The following TNR variants were observed in gnomAD, a reference collection of about 807,000 sequenced individuals.
TNR encodes the protein tenascin R.
In TNR, 45 loss-of-function variants were observed where a neutral mutation model predicts 150.4. That is an observed-to-expected ratio of 0.30 (90% CI 0.24 to 0.38). The LOEUF (loss-of-function observed/expected upper bound fraction) is 0.38, where lower values mean the gene tolerates loss of function less well. TNR is among the 10% of genes least tolerant of loss of function. The pLI is 1.00. For missense variants in TNR, 1,544 were observed against 1,759.1 expected (o/e 0.88, Z 2.19); for synonymous variants, 687 against 678.4 (o/e 1.01, Z -0.20).
chr1:175,409,053 C>T (rs936138943), intron 2 of TNR, among the ~76,000 whole-genome samples: 11 of 152,254 alleles, frequency 7.2e-5, no homozygotes, highest in Non-Finnish European at 1.2e-4. Context: ...CTCCTAAAGC[C>T]GCCTCTCATC....
intron 2 of TNR, among the ~76,000 whole-genome samples, chr1:175,469,254 T>C (rs1316694908): frequency 1.3e-5 from 2 of 152,154 alleles, no homozygotes; most frequent in African/African-American, 4.8e-5. Flanking sequence ...ACCCAGCCTC[T>C]GCCTTGAAGA....
chr1:175,356,885 A>G (rs1651357681), intron 15 of TNR, among the ~76,000 whole-genome samples: 1 of 152,202 alleles, frequency 6.6e-6, no homozygotes, highest in African/African-American at 2.4e-5. Flanking sequence ...TGAACACGTA[A>G]CAGTTTATCA....
At chr1:175,367,408 C>G in intron 9 of TNR, 111 bp from the exon 10 acceptor site, 1 of 830,470 alleles carries the variant, frequency 1.2e-6, no homozygotes, top group South Asian at 1.5e-5. Flanking sequence ...GTGTTTAGTC[C>G]TCCTTGAATC....
rs565908571 is a variant in TNR at position 175,670,721 on chromosome 1, G to T, written c.-165+72505C>A. On this transcript the variant is annotated intron_variant, in intron 1 of 22. Coordinates refer to ENST00000367674, the MANE Select transcript of TNR (RefSeq NM_003285.3). ...GACAAATAAAGTTAGGAAAGAGCAT[G>T]ACATTTTCAGGAAAGCGTGAATGGT... Among the ~76,000 whole-genome samples the T allele has an allele frequency of 4.7e-4, 71 of 152,272 alleles. 1 individual carries two copies. The South Asian group carries it at 0.014, about 31-fold the overall frequency.
rs201556130 is a variant in TNR at position 175,365,298 on chromosome 1, G to C, written c.2318-19C>G. 184 of 1,582,536 alleles carry C rather than the reference G, an allele frequency of 1.2e-4. No homozygotes were observed. The highest frequency in any genetic ancestry group is 2.8e-5 in the Non-Finnish European group (32 of 1,161,966). On this transcript the variant is annotated intron_variant, in intron 11 of 22. Coordinates refer to ENST00000367674, the MANE Select transcript of TNR (RefSeq NM_003285.3). ...CGGAAGCCTGCAAAGCAAAGGAGAT[G>C]GATGGTCCTGAAACACGTGAGGAGA...
At chr1:175,620,113 C>T (rs1210665017) in intron 1 of TNR, among the ~76,000 whole-genome samples, 3 of 152,322 alleles carry the variant, frequency 2.0e-5, no homozygotes, top group African/African-American at 4.8e-5. Context: ...TCTGGCTCTT[C>T]CTTGGGCAAG....
chr1:175,614,131 G>A (rs1265376353), intron 1 of TNR, among the ~76,000 whole-genome samples: 1 of 152,160 alleles, frequency 6.6e-6, no homozygotes, highest in East Asian at 1.9e-4. Context: ...ATTACATCTT[G>A]CTTATGTGTT....
At chr1:175,624,657 G>A (rs978428211) in intron 1 of TNR, among the ~76,000 whole-genome samples, 10 of 152,124 alleles carry the variant, frequency 6.6e-5, no homozygotes, top group East Asian at 5.8e-4. Flanking sequence ...TTGATTTTGC[G>A]CTTCTAGCCT....
In TNR at chr1:175,356,481, G is replaced by GA. The variant is rs1384884239; in HGVS notation, c.2975-20dup. ...CCAGCGACTGAACTCAAATGAATAT[G>GA]AATAAGGGTTGAATAAGGCTACTCA... On this transcript the variant is annotated intron_variant, in intron 15 of 22. Transcript: ENST00000367674. The GA allele has an allele frequency of 1.9e-6, 3 of 1,613,196 alleles. No homozygotes were observed. The highest frequency in any genetic ancestry group is 2.7e-5 in the African/African-American group (2 of 74,848).
intron 18 of TNR, among the ~76,000 whole-genome samples, chr1:175,351,487 A>G (rs567947975): frequency 6.2e-4 from 94 of 152,294 alleles, no homozygotes; most frequent in Non-Finnish European, 1.1e-3. Context: ...TCTTATCCCT[A>G]CAAGGGGTAT....
chr1:175,600,663 C>G (rs1663199062), intron 1 of TNR, among the ~76,000 whole-genome samples: 1 of 152,182 alleles, frequency 6.6e-6, no homozygotes. Context: ...AACCCCAGCC[C>G]CTGCTTTACT....
chr1:175,382,665 G>T (rs778131566), intron 8 of TNR, among the ~76,000 whole-genome samples: 26 of 152,208 alleles, frequency 1.7e-4, no homozygotes, highest in South Asian at 2.1e-4. Flanking sequence ...ACACAGGGAG[G>T]CCGAGGCGGG....
chr1:175,556,927 T>C lies in TNR; in HGVS notation c.-164-28558A>G, dbSNP rs150066016. 30 of 152,368 alleles carry C rather than the reference T, an allele frequency of 2.0e-4. No individual in the cohort carries two copies. The East Asian group carries it at 5.6e-3, about 28-fold the overall frequency. The allele number at this position is 152,368 out of a possible 1,614,324, so 9.4% of individuals were successfully genotyped here. On this transcript the variant is annotated intron_variant, in intron 1 of 22. Coordinates refer to ENST00000367674, the MANE Select transcript of TNR (RefSeq NM_003285.3). Reference sequence around the variant, plus strand: ...CAAAAGTGTTGAGATGTCACTTCCATGATTATGTTGTGTACAATTGTGACA... The same window carrying C: ...CAAAAGTGTTGAGATGTCACTTCCACGATTATGTTGTGTACAATTGTGACA...
chr1:175,332,033 C>G (rs947499252), intron 20 of TNR, among the ~76,000 whole-genome samples: 1 of 152,232 alleles, frequency 6.6e-6, no homozygotes, highest in Non-Finnish European at 1.5e-5. Context: ...GTAGTAGATG[C>G]TGATGTTGTT....
intron 2 of TNR, among the ~76,000 whole-genome samples, chr1:175,466,805 T>C (rs564334781): frequency 1.3e-5 from 2 of 152,332 alleles, no homozygotes; most frequent in East Asian, 1.9e-4. Context: ...TGGCATGTTC[T>C]ACACCCAGTA....
intron 1 of TNR, among the ~76,000 whole-genome samples, chr1:175,739,369 C>T (rs975685785): frequency 7.9e-5 from 12 of 152,086 alleles, no homozygotes; most frequent in Non-Finnish European, 1.0e-4. Flanking sequence ...AAACGGTGCA[C>T]GAGATTCCCC....
chr1:175,485,438 G>A (rs374594319), intron 2 of TNR, among the ~76,000 whole-genome samples: 2 of 152,146 alleles, frequency 1.3e-5, no homozygotes, highest in African/African-American at 4.8e-5. Context: ...GAGCACACAG[G>A]ACATTGGCAA....
intron 9 of TNR, among the ~76,000 whole-genome samples, chr1:175,375,649 G>A (rs77433154): frequency 0.018 from 2,769 of 152,200 alleles, 72 homozygotes; most frequent in African/African-American, 0.063. Flanking sequence ...GGAAAATGGT[G>A]GCCTCAGAGA....
chr1:175,460,252 T>C (rs1656755876), intron 2 of TNR, among the ~76,000 whole-genome samples: 1 of 151,858 alleles, frequency 6.6e-6, no homozygotes, highest in Non-Finnish European at 1.5e-5. Flanking sequence ...CAAGGTAGAG[T>C]GACCAGGGAA....
Sources: gnomAD v4.1 joint callset for allele counts (sites outside exome capture counted in the v4.1 genomes callset) on GRCh38, gnomAD v4.1.1 for gene constraint, MANE v1.5 for transcripts, NCBI Gene and HGNC (gene_info 2026-07-23, HGNC 2026-07-21) for gene names.